The following CRCP variants were observed in gnomAD, a reference collection of about 807,000 sequenced individuals.
CRCP encodes the protein CGRP receptor component, also known as DNA-directed RNA polymerase III subunit RPC9.
A neutral mutation model predicts 18.5 loss-of-function variants in CRCP; 18 were observed. The observed-to-expected ratio is 0.97, with a 90% CI of 0.67 to 1.44. CRCP has a LOEUF of 1.44. CRCP is among the 40% of genes most tolerant of loss of function. The pLI is 0.00. For synonymous variants in CRCP, 53 were observed against 62.9 expected (o/e 0.84, Z 0.75); for missense variants, 130 against 176.4 (o/e 0.74, Z 1.49).
intron 3 of CRCP, among the ~76,000 whole-genome samples, chr7:66,131,298 T>C (rs1046713832): frequency 2.0e-5 from 3 of 152,006 alleles, no homozygotes; most frequent in South Asian, 2.1e-4. Flanking sequence ...TTTTATTCTG[T>C]TTATAGAAGT....
Position 66,118,644 on chromosome 7 carries a change from G to A in CRCP, c.8+3674G>A, listed in dbSNP as rs141432404. ...CAAGTCCCTGATATAAAACGGTGTA[G>A]TATTTGCATATAATCTATGCACATT... On this transcript the variant is annotated intron_variant, in intron 1 of 5. Transcript: ENST00000395326. Among the ~76,000 whole-genome samples, 918 of 152,282 alleles carry A rather than the reference G, an allele frequency of 6.0e-3. 4 individuals carry two copies. Among genetic ancestry groups the A allele is most frequent in the Non-Finnish European group, 0.01 (703 of 68,036 alleles).
chr7:66,117,961 TCTC>T (rs1787321519), intron 1 of CRCP, among the ~76,000 whole-genome samples: 1 of 152,066 alleles, frequency 6.6e-6, no homozygotes, highest in South Asian at 2.1e-4. Context: ...CTCGTCCTGT[TCTC>T]TTCTTTTTAT....
At chr7:66,133,321 C>T (rs920137724) in intron 3 of CRCP, among the ~76,000 whole-genome samples, 2 of 152,002 alleles carry the variant, frequency 1.3e-5, no homozygotes, top group Non-Finnish European at 2.9e-5. Flanking sequence ...CTGGCTAACA[C>T]GGTGAAACCT....
At chr7:66,138,581 C>A (rs374227281) in intron 4 of CRCP, among the ~76,000 whole-genome samples, 1 of 140,912 alleles carries the variant, frequency 7.1e-6, no homozygotes, top group Non-Finnish European at 1.5e-5. Context: ...GTCAGGAGAT[C>A]GAGACCATCC....
intron 1 of CRCP, among the ~76,000 whole-genome samples, chr7:66,117,358 T>A (rs146887285): frequency 6.6e-6 from 1 of 152,180 alleles, no homozygotes; most frequent in Non-Finnish European, 1.5e-5. Flanking sequence ...ATCTTAGGGC[T>A]CAGTCCTGGG....
chr7:66,148,563 G>A (rs1013760661), intron 5 of CRCP, among the ~76,000 whole-genome samples: 9 of 152,222 alleles, frequency 5.9e-5, no homozygotes, highest in Middle Eastern at 3.4e-3. Context: ...CTTCAGTTAC[G>A]CCTGGGCTGT....
At chr7:66,148,867 T>TA (rs1437769827) in intron 5 of CRCP, among the ~76,000 whole-genome samples, 1 of 152,264 alleles carries the variant, frequency 6.6e-6, no homozygotes, top group Non-Finnish European at 1.5e-5. Flanking sequence ...CTGTAGGCGT[T>TA]ACTTTCATTT....
At chr7:66,132,051 G>A (rs316311) in intron 3 of CRCP, among the ~76,000 whole-genome samples, 58 of 9,548 alleles carry the variant, frequency 6.1e-3, no homozygotes, top group South Asian at 0.01. Context: ...GTGAGCCACC[G>A]TGCCCAGCCA....
chr7:66,124,638 C>CTT (rs1233270486), intron 1 of CRCP, among the ~76,000 whole-genome samples: 1 of 151,976 alleles, frequency 6.6e-6, no homozygotes, highest in Non-Finnish European at 1.5e-5. Context: ...CTGTCTCAGC[C>CTT]CGGAGTAGCT....
chr7:66,129,549 C>G (rs1787727306), intron 2 of CRCP, among the ~76,000 whole-genome samples: 1 of 151,978 alleles, frequency 6.6e-6, no homozygotes, highest in Admixed American at 6.6e-5. Flanking sequence ...GAAACCTACC[C>G]CCTTGTGGTG....
At chr7:66,142,926 C>G (rs1255551317) in intron 4 of CRCP, among the ~76,000 whole-genome samples, 4 of 152,184 alleles carry the variant, frequency 2.6e-5, no homozygotes. Flanking sequence ...AAATCTAGTG[C>G]TGGTTTTTTT....
At chr7:66,115,222 T>C (rs1787220682) in intron 1 of CRCP, among the ~76,000 whole-genome samples, 1 of 152,160 alleles carries the variant, frequency 6.6e-6, no homozygotes, top group Non-Finnish European at 1.5e-5. Flanking sequence ...CGGCTGCCTT[T>C]CAATGTGCCC....
chr7:66,141,037 G>GC (rs2116001271), intron 4 of CRCP, among the ~76,000 whole-genome samples: 1 of 152,032 alleles, frequency 6.6e-6, no homozygotes, highest in Non-Finnish European at 1.5e-5. Context: ...TTTTTAAAAG[G>GC]CTTTCTAATC....
chr7:66,129,009 G>A (rs1190194214), intron 2 of CRCP, among the ~76,000 whole-genome samples: 3 of 151,962 alleles, frequency 2.0e-5, no homozygotes, highest in African/African-American at 4.8e-5. Context: ...GCTCAGCCTG[G>A]GAAACCTAGC....
At chr7:66,126,636 A>G (rs1428656728) in intron 1 of CRCP, 3 of 430,892 alleles carry the variant, frequency 7.0e-6, no homozygotes, top group Admixed American at 2.6e-5. Context: ...GCCTTCCATT[A>G]TGGAGATGTT....
At position 66,152,508 on chromosome 7, in the gene CRCP, A is replaced by G; in HGVS notation, c.*151A>G. The stretch of plus-strand genomic sequence containing the variant: ...GGTACATCACAAAAATAAGTTAAAA[A>G]GAAATATTTGTGCCTTGGGGAGAAG... On this transcript the variant is annotated 3_prime_UTR_variant, in exon 6 of 6. Coordinates refer to ENST00000395326, the MANE Select transcript of CRCP (RefSeq NM_014478.5). The G allele has an allele frequency of 2.4e-6, 2 of 819,680 alleles. No homozygotes were observed. Among genetic ancestry groups the G allele is most frequent in the East Asian group, 5.5e-5 (2 of 36,580 alleles). 50.8% of individuals were successfully genotyped at this position (819,680 alleles called of 1,614,324 possible).
At chr7:66,142,198 G>A (rs1788161171) in intron 4 of CRCP, among the ~76,000 whole-genome samples, 1 of 152,140 alleles carries the variant, frequency 6.6e-6, no homozygotes, top group Admixed American at 6.6e-5. Flanking sequence ...CGTGGTCTCA[G>A]TGGAACATGA....
intron 5 of CRCP, among the ~76,000 whole-genome samples, chr7:66,149,952 G>T (rs1788407122): frequency 6.6e-6 from 1 of 151,960 alleles, no homozygotes; most frequent in Non-Finnish European, 1.5e-5. Context: ...GACTACAGGC[G>T]CACGCTGCCA....
chr7:66,151,542 C>T (rs1788459826), intron 5 of CRCP, among the ~76,000 whole-genome samples: 1 of 151,900 alleles, frequency 6.6e-6, no homozygotes, highest in African/African-American at 2.4e-5. Context: ...GCACTCCAGC[C>T]TGGCGACAGA....
Sources: gnomAD v4.1 joint callset for allele counts (sites outside exome capture counted in the v4.1 genomes callset) on GRCh38, gnomAD v4.1.1 for gene constraint, MANE v1.5 for transcripts, NCBI Gene and HGNC (gene_info 2026-07-23, HGNC 2026-07-21) for gene names.